Variants in PEAK1 observed in about 807,000 individuals in gnomAD.
PEAK1 encodes pseudopodium enriched atypical kinase 1, also known as inactive tyrosine-protein kinase PEAK1.
Under a neutral mutation model 124.7 loss-of-function variants are expected in PEAK1, and 54 were observed. The ratio of observed to expected loss-of-function variants is 0.43; its 90% confidence interval spans 0.35 to 0.54. The LOEUF (loss-of-function observed/expected upper bound fraction) is 0.54, where lower values mean the gene tolerates loss of function less well. Among genes scored for constraint, PEAK1 ranks in the 20% least tolerant of loss-of-function variants. The pLI is 0.01. For synonymous variants in PEAK1, 719 were observed against 760.0 expected (o/e 0.95, Z 0.89); for missense variants, 2,046 against 2,134.5 (o/e 0.96, Z 0.82).
intron 1 of PEAK1, among the ~76,000 whole-genome samples, chr15:77,377,292 G>A (rs943763397): frequency 6.6e-6 from 1 of 152,162 alleles, no homozygotes; most frequent in African/African-American, 2.4e-5. Context: ...GCTGAGGTGG[G>A]AGGATTGCTT....
chr15:77,158,235 A>G (rs967387874), intron 8 of PEAK1: 1 of 384,228 alleles, frequency 2.6e-6, no homozygotes, highest in Non-Finnish European at 4.8e-6. Flanking sequence ...GAAATAATTA[A>G]CAAGTTCACC....
chr15:77,317,880 G>A (rs2064971954), intron 2 of PEAK1, among the ~76,000 whole-genome samples: 1 of 152,090 alleles, frequency 6.6e-6, no homozygotes, highest in Admixed American at 6.6e-5. Context: ...TAACAATTTG[G>A]ATAGATCTCA....
At chr15:77,233,144 T>G (rs1181971272) in intron 6 of PEAK1, among the ~76,000 whole-genome samples, 1 of 152,180 alleles carries the variant, frequency 6.6e-6, no homozygotes, top group East Asian at 1.9e-4. Flanking sequence ...AACAAAATAA[T>G]TTTCCCTTGT....
intron 2 of PEAK1, among the ~76,000 whole-genome samples, chr15:77,307,429 A>C (rs1386656425): frequency 6.6e-6 from 1 of 152,140 alleles, no homozygotes; most frequent in Non-Finnish European, 1.5e-5. Flanking sequence ...CGTAGATAAC[A>C]AAGGAAAGAG....
chr15:77,418,436 G>A, intron 1 of PEAK1: 3 of 985,342 alleles, frequency 3.0e-6, no homozygotes, highest in Non-Finnish European at 3.6e-6. Context: ...AATGAAAAGG[G>A]GATGTTTGTT....
At chr15:77,167,969 T>C (rs1452980459) in intron 7 of PEAK1, among the ~76,000 whole-genome samples, 2 of 152,130 alleles carry the variant, frequency 1.3e-5, no homozygotes, top group South Asian at 2.1e-4. Flanking sequence ...TTCCCACTTA[T>C]GAGTGAGAAC....
Position 77,181,026 on chromosome 15 carries a change from G to C in PEAK1, c.901C>G (p.Leu301Val). 1 of 1,614,228 alleles carries C rather than the reference G, an allele frequency of 6.2e-7. No homozygotes were observed. Among genetic ancestry groups the C allele is most frequent in the Non-Finnish European group, 8.5e-7 (1 of 1,180,028 alleles). ...WNTIPLRNKS[L>V]QRICAVDYDD... is the part of the protein sequence containing the mutation. ...TAGTCCACAGCACAGATTCTCTGCA[G>C]AGACTTGTTTCGCAGGGGGATGGTA... The change falls in exon 7 of 10, where the codon CTG becomes GTG. Residue 301 changes from leucine to valine, a missense_variant. Transcript: ENST00000682557.
intron 6 of PEAK1, among the ~76,000 whole-genome samples, chr15:77,223,964 A>G (rs1244467732): frequency 6.6e-6 from 1 of 150,716 alleles, no homozygotes; most frequent in African/African-American, 2.4e-5. Flanking sequence ...TGGAACAACA[A>G]TGAAGACTGC....
At chr15:77,419,682 C>A in intron 1 of PEAK1, 1 of 984,992 alleles carries the variant, frequency 1.0e-6, no homozygotes, top group Non-Finnish European at 1.2e-6. Context: ...GCGTCCCTCG[C>A]GGCAGGTCCC....
intron 2 of PEAK1, chr15:77,332,267 A>G (rs189772801): frequency 8.3e-5 from 82 of 985,122 alleles, no homozygotes; most frequent in Non-Finnish European, 9.6e-5. Context: ...CCCTGAAACT[A>G]AACAGGAATA....
At chr15:77,164,396 A>AGTAGCTAG (rs1156405603) in intron 7 of PEAK1, among the ~76,000 whole-genome samples, 1 of 152,220 alleles carries the variant, frequency 6.6e-6, no homozygotes, top group African/African-American at 2.4e-5. Context: ...GTGTGAATGA[A>AGTAGCTAG]GTAGCTAGGT....
intron 5 of PEAK1, among the ~76,000 whole-genome samples, chr15:77,266,240 G>T (rs554319921): frequency 2.6e-5 from 4 of 151,562 alleles, no homozygotes; most frequent in African/African-American, 9.7e-5. Context: ...TACCCTAAAA[G>T]TTAAAGTATA....
chr15:77,209,076 C>A (rs1014861601), intron 6 of PEAK1, among the ~76,000 whole-genome samples: 12 of 152,022 alleles, frequency 7.9e-5, no homozygotes, highest in African/African-American at 2.9e-4. Context: ...TACTTACTGG[C>A]ATAATGGAAA....
intron 8 of PEAK1, among the ~76,000 whole-genome samples, chr15:77,148,277 C>T (rs1366123641): frequency 6.6e-6 from 1 of 152,112 alleles, no homozygotes; most frequent in Admixed American, 6.6e-5. Context: ...TAATCAAGGC[C>T]TATTCCAGTT....
rs183008874 is a variant in PEAK1, at chr15:77,202,548, C to T, written c.-114-20508G>A. On this transcript the variant is annotated intron_variant, in intron 6 of 9. Coordinates refer to ENST00000682557, the MANE Select transcript of PEAK1 (RefSeq NM_001385026.1). Reference sequence around the variant, plus strand: ...TTGGGAATCCGAGGTGGGCGGATCACGAGGTCAGGAGATCGAGACCATCCT... The same window carrying T: ...TTGGGAATCCGAGGTGGGCGGATCATGAGGTCAGGAGATCGAGACCATCCT... Among the ~76,000 whole-genome samples, 7 of 151,956 alleles carry T rather than the reference C, an allele frequency of 4.6e-5. No homozygotes were observed. In the South Asian group the frequency reaches 8.3e-4, roughly 18 times the overall value.
At position 77,180,379 on chromosome 15, in the gene PEAK1, T is replaced by C. The variant is rs1478144249; in HGVS notation, c.1548A>G (p.Pro516=). The change falls in exon 7 of 10, where the codon CCA becomes CCG. Residue 516 remains proline (P), a synonymous_variant. Transcript: ENST00000682557. ...TTTGGAAATGGGCACTTATTTGTCC[T>C]GGTGTCAATGAAGATGATGTAACTG... ...NSPVTSSSLT[P]GQISAHFQKS... is the part of the protein sequence containing the mutation. 1 of 1,614,132 alleles carries C rather than the reference T, an allele frequency of 6.2e-7. No individual in the cohort carries two copies. The highest frequency in any genetic ancestry group is 8.5e-7 in the Non-Finnish European group (1 of 1,180,008).
intron 2 of PEAK1, among the ~76,000 whole-genome samples, chr15:77,345,444 T>C (rs1311965888): frequency 6.6e-6 from 1 of 152,188 alleles, no homozygotes; most frequent in Non-Finnish European, 1.5e-5. Flanking sequence ...CACAAACTCT[T>C]TGAGTTTTAT....
chr15:77,299,509 G>A (rs999944172), intron 2 of PEAK1, among the ~76,000 whole-genome samples: 2 of 152,112 alleles, frequency 1.3e-5, no homozygotes, highest in Non-Finnish European at 1.5e-5. Context: ...TTCCACTAAT[G>A]TCTTTTGTAG....
intron 2 of PEAK1, among the ~76,000 whole-genome samples, chr15:77,289,704 C>T (rs2063114950): frequency 6.6e-6 from 1 of 151,998 alleles, no homozygotes; most frequent in Admixed American, 6.5e-5. Context: ...GGCATGGTGG[C>T]ACAAGCCTGT....
Sources: gnomAD v4.1 joint callset for allele counts (sites outside exome capture counted in the v4.1 genomes callset) on GRCh38, gnomAD v4.1.1 for gene constraint, MANE v1.5 for transcripts, NCBI Gene and HGNC (gene_info 2026-07-23, HGNC 2026-07-21) for gene names.